Variants in DSCAM observed in about 807,000 individuals in gnomAD.
DSCAM encodes DS cell adhesion molecule.
A neutral mutation model predicts 217.7 loss-of-function variants in DSCAM; 47 were observed. The observed-to-expected ratio is 0.22, with a 90% CI of 0.17 to 0.28. DSCAM has a LOEUF of 0.28. Ranked by LOEUF, DSCAM falls within the 10% of genes least tolerant of loss-of-function variation. The pLI is 1.00. For missense variants in DSCAM, 2,080 were observed against 2,618.3 expected, an observed-to-expected ratio of 0.79 and a Z score of 4.49; for synonymous variants, 1,056 against 1,015.3, an observed-to-expected ratio of 1.04 and a Z score of -0.76.
chr21:40,032,941 T>C (rs2088555729), intron 32 of DSCAM, among the ~76,000 whole-genome samples: 1 of 152,190 alleles, frequency 6.6e-6, no homozygotes, highest in East Asian at 1.9e-4. Context: ...CATCGGCATG[T>C]TTACAGCCTC....
chr21:40,142,922 G>A (rs2090310687), intron 17 of DSCAM, among the ~76,000 whole-genome samples: 1 of 152,126 alleles, frequency 6.6e-6, no homozygotes, highest in African/African-American at 2.4e-5. Context: ...TATTCTAATG[G>A]ATTCCATAGT....
chr21:40,061,569 C>CTAAA, intron 28 of DSCAM, among the ~76,000 whole-genome samples: 1 of 86,356 alleles, frequency 1.2e-5, no homozygotes, highest in Admixed American at 1.0e-4. Flanking sequence ...AACTCTGTCC[C>CTAAA]AAAAAAAAAA....
At chr21:40,771,149 T>C (rs1341934007) in intron 1 of DSCAM, among the ~76,000 whole-genome samples, 2 of 152,006 alleles carry the variant, frequency 1.3e-5, no homozygotes, top group Non-Finnish European at 2.9e-5. Context: ...CTTCACGCAG[T>C]GGGAGACAGG....
rs186149188 is a variant in DSCAM at position 40,109,127 on chromosome 21, G to A, written c.3696+15068C>T. ...ATGATGAAGACACCAAAAGCAATTCGCAACAACAACAAAAATGGACAAATG... is the reference window on the plus strand; with the variant it reads ...ATGATGAAGACACCAAAAGCAATTCACAACAACAACAAAAATGGACAAATG... On this transcript the variant is annotated intron_variant, in intron 20 of 32. Coordinates refer to ENST00000400454, the MANE Select transcript of DSCAM (RefSeq NM_001389.5). Among the ~76,000 whole-genome samples the A allele has an allele frequency of 3.0e-4, 45 of 152,224 alleles. No homozygotes were observed. In the South Asian group the frequency reaches 5.0e-3, roughly 17 times the overall value.
intron 1 of DSCAM, among the ~76,000 whole-genome samples, chr21:40,836,487 C>T (rs1170301636): frequency 6.6e-6 from 1 of 152,166 alleles, no homozygotes; most frequent in African/African-American, 2.4e-5. Context: ...AACCCCAGCA[C>T]CAATTATCCC....
Position 40,189,108 on chromosome 21 carries a change from G to A in DSCAM, c.2487C>T (p.Asn829=), listed in dbSNP as rs938670617. The A allele has an allele frequency of 2.5e-6, 4 of 1,614,002 alleles. No homozygotes were observed. In the African/African-American group the frequency reaches 5.3e-5, roughly 22 times the overall value. The change falls in exon 12 of 33, where the codon AAC becomes AAT. Residue 829 remains asparagine, a synonymous_variant. Coordinates refer to ENST00000400454, the MANE Select transcript of DSCAM (RefSeq NM_001389.5). ...VRWEKEDRII[N]PEMARYLVST... ...ACACAAGATAACGGGCCATCTCAGG[G>A]TTAATGATTCGGTCCTCCTTCTCCC...
intron 10 of DSCAM, among the ~76,000 whole-genome samples, chr21:40,286,578 A>G (rs2073826754): frequency 6.6e-6 from 1 of 152,248 alleles, no homozygotes; most frequent in South Asian, 2.1e-4. Context: ...AGGAAAAACA[A>G]AAGAGAATTT....
chr21:40,048,656 A>C (rs879857681), intron 30 of DSCAM, among the ~76,000 whole-genome samples: 1 of 152,242 alleles, frequency 6.6e-6, no homozygotes, highest in Admixed American at 6.5e-5. Flanking sequence ...TTGCAATGAC[A>C]ACACAGTCCT....
At chr21:40,480,280 C>T (rs2075971088) in intron 3 of DSCAM, among the ~76,000 whole-genome samples, 1 of 152,164 alleles carries the variant, frequency 6.6e-6, no homozygotes, top group Non-Finnish European at 1.5e-5. Context: ...TGGCTGTATA[C>T]ACAAAAGTTA....
chr21:40,461,540 G>A (rs1162886884), intron 3 of DSCAM, among the ~76,000 whole-genome samples: 2 of 152,086 alleles, frequency 1.3e-5, no homozygotes, highest in Non-Finnish European at 2.9e-5. Flanking sequence ...TTCCAGCTCT[G>A]GGGTCTGGGG....
At chr21:40,519,983 C>T (rs908732102) in intron 3 of DSCAM, among the ~76,000 whole-genome samples, 3 of 152,194 alleles carry the variant, frequency 2.0e-5, no homozygotes, top group East Asian at 1.9e-4. Flanking sequence ...CTTCTTATAA[C>T]ATTCTAGACT....
intron 4 of DSCAM, among the ~76,000 whole-genome samples, chr21:40,366,866 T>C (rs1384005885): frequency 6.6e-6 from 1 of 152,218 alleles, no homozygotes; most frequent in Non-Finnish European, 1.5e-5. Flanking sequence ...CCTAGAACAC[T>C]GTTTTTTACA....
chr21:40,214,043 A>T (rs1271294756), intron 11 of DSCAM, among the ~76,000 whole-genome samples: 1 of 152,212 alleles, frequency 6.6e-6, no homozygotes, highest in Non-Finnish European at 1.5e-5. Context: ...TTTCCTAGAC[A>T]GACGGAAACC....
intron 3 of DSCAM, among the ~76,000 whole-genome samples, chr21:40,646,407 TGTCAAAA>T (rs1197993860): frequency 2.9e-5 from 3 of 102,740 alleles, no homozygotes. Flanking sequence ...TGAGAGACTC[TGTCAAAA>T]AAAAAAAAAA....
chr21:40,452,595 C>G (rs1257922309), intron 3 of DSCAM, among the ~76,000 whole-genome samples: 1 of 152,070 alleles, frequency 6.6e-6, no homozygotes, highest in Non-Finnish European at 1.5e-5. Context: ...CTTCTATATT[C>G]TATTTCATAA....
At chr21:40,239,877 C>T (rs1029849108) in intron 11 of DSCAM, among the ~76,000 whole-genome samples, 1 of 152,212 alleles carries the variant, frequency 6.6e-6, no homozygotes, top group African/African-American at 2.4e-5. Context: ...GCTTGTCTAA[C>T]ACCTGCCCAT....
intron 11 of DSCAM, among the ~76,000 whole-genome samples, chr21:40,260,600 C>T (rs888205773): frequency 9.2e-5 from 14 of 152,234 alleles, no homozygotes. Flanking sequence ...CAACCAGGCA[C>T]TTGCATTCTA....
Position 40,692,976 on chromosome 21 carries a change from C to T in DSCAM, c.362-20G>A, listed in dbSNP as rs370003202. 25 of 1,594,324 alleles carry T rather than the reference C, an allele frequency of 1.6e-5. No individual in the cohort carries two copies. In the East Asian group the frequency reaches 2.0e-4, roughly 13 times the overall value. ...GTAAAACTGGAAGGCAGAAAGAGGA[C>T]GTCAGTAAGGCACACGGTCAACAGG... On this transcript the variant is annotated intron_variant, in intron 2 of 32. Transcript: ENST00000400454.
intron 3 of DSCAM, among the ~76,000 whole-genome samples, chr21:40,373,091 A>G (rs1165336014): frequency 6.6e-6 from 1 of 152,196 alleles, no homozygotes; most frequent in Non-Finnish European, 1.5e-5. Context: ...ACACTCATAG[A>G]GCAGTGGGTT....
Sources: gnomAD v4.1 joint callset for allele counts (sites outside exome capture counted in the v4.1 genomes callset) on GRCh38, gnomAD v4.1.1 for gene constraint, MANE v1.5 for transcripts, NCBI Gene and HGNC (gene_info 2026-07-23, HGNC 2026-07-21) for gene names.